Variants in NCOA7 observed in about 807,000 individuals in gnomAD.
The protein encoded by NCOA7 is 140 kDa estrogen receptor-associated protein.
A neutral mutation model predicts 104.3 loss-of-function variants in NCOA7; 45 were observed. The observed-to-expected ratio is 0.43, with a 90% CI of 0.34 to 0.55. The LOEUF is 0.55. Ranked by LOEUF, NCOA7 falls within the 20% of genes least tolerant of loss-of-function variation. The probability of loss-of-function intolerance (pLI) is 0.02; values close to 1 mark genes in which losing one functional copy is unlikely to be tolerated. For missense variants in NCOA7, 1,041 were observed against 1,119.7 expected, an observed-to-expected ratio of 0.93 and a Z score of 1.00; for synonymous variants, 398 against 402.3, an observed-to-expected ratio of 0.99 and a Z score of 0.13.
intron 10 of NCOA7, among the ~76,000 whole-genome samples, chr6:125,909,640 C>T (rs1583522024): frequency 6.6e-6 from 1 of 152,076 alleles, no homozygotes; most frequent in South Asian, 2.1e-4. Context: ...GAAACCCCGT[C>T]TCTACTAAAA....
chr6:125,912,938 C>G (rs1199017095), intron 10 of NCOA7, among the ~76,000 whole-genome samples: 2 of 152,072 alleles, frequency 1.3e-5, no homozygotes, highest in African/African-American at 4.8e-5. Flanking sequence ...TATTATATGC[C>G]TTTTAAAATA....
At chr6:125,799,118 ACTGTGTC>A (rs1775622691) in intron 1 of NCOA7, among the ~76,000 whole-genome samples, 1 of 152,082 alleles carries the variant, frequency 6.6e-6, no homozygotes. Context: ...TGATGATGGC[ACTGTGTC>A]CTCTCTACAT....
At chr6:125,788,540 C>CTTT (rs59616110), upstream of NCOA7, among the ~76,000 whole-genome samples, 8,409 of 141,500 alleles carry the variant, frequency 0.059, 298 homozygotes, top group Middle Eastern at 0.089. Context: ...TTTGGAAGAC[C>CTTT]TTTTTTTTTT....
chr6:125,786,969 A>G (rs1248247249), upstream of NCOA7, among the ~76,000 whole-genome samples: 1 of 152,010 alleles, frequency 6.6e-6, no homozygotes, highest in Non-Finnish European at 1.5e-5. Context: ...CAACATGGCG[A>G]AACTCCATCT....
At position 125,895,536 on chromosome 6, in the gene NCOA7, C is replaced by T. The variant is rs529023875; in HGVS notation, c.2096+4726C>T. 5.9e-5 allele frequency among the ~76,000 whole-genome samples: 9 copies of T among 152,236 alleles called. No individual in the cohort carries two copies. In the South Asian group the frequency reaches 1.7e-3, roughly 28 times the overall value. ...TGTACATTTTCCACATCATGTGCTG[C>T]GTTAGGCCATTCTTGGGTTGCTATA... On this transcript the variant is annotated intron_variant, in intron 10 of 15. Transcript: ENST00000392477.
intron 10 of NCOA7, among the ~76,000 whole-genome samples, chr6:125,902,570 A>G (rs1201424358): frequency 6.6e-6 from 1 of 151,998 alleles, no homozygotes; most frequent in African/African-American, 2.4e-5. Context: ...TCAATAAACT[A>G]GATTGTAATT....
rs1443663185 is a variant in NCOA7, at chr6:125,863,166, C to T, written c.271+7926C>T. On this transcript the variant is annotated intron_variant, in intron 3 of 15. Transcript: ENST00000392477. ...CCAGTAGTTAGGGAGCATGAATGTT[C>T]ACAGTTAAGTAGCTGTAAAACAAAC... Among the ~76,000 whole-genome samples the T allele has an allele frequency of 1.4e-5, 2 of 138,440 alleles. 1 individual carries two copies. The highest frequency in any genetic ancestry group is 6.0e-5 in the African/African-American group (2 of 33,304). 90.8% of individuals were successfully genotyped at this position (138,440 alleles called of 152,430 possible).
intron 2 of NCOA7, among the ~76,000 whole-genome samples, chr6:125,830,872 A>G (rs1258911860): frequency 1.3e-5 from 2 of 151,534 alleles, no homozygotes. Flanking sequence ...GTGAGGGGGG[A>G]AAAGTGTTTT....
chr6:125,851,607 A>G (rs1781134368), intron 2 of NCOA7, among the ~76,000 whole-genome samples: 1 of 152,220 alleles, frequency 6.6e-6, no homozygotes, highest in Non-Finnish European at 1.5e-5. Context: ...TCCTTTGGGT[A>G]GATACCCAGT....
chr6:125,867,584 A>G (rs1174473239), intron 3 of NCOA7, among the ~76,000 whole-genome samples: 1 of 152,110 alleles, frequency 6.6e-6, no homozygotes, highest in African/African-American at 2.4e-5. Context: ...AATGGCAGGG[A>G]TTCCCTCTTT....
rs762359537 is a variant in NCOA7 at position 125,927,770 on chromosome 6, G to A, written c.2619+12G>A. On this transcript the variant is annotated intron_variant, in intron 14 of 15. Transcript: ENST00000392477. The stretch of plus-strand genomic sequence containing the variant: ...GCCCTCATTTTAAGGTACCTAGATA[G>A]GAGAAATATCCAACTCCCATATGTC... 2 of 1,594,850 alleles carry A rather than the reference G, an allele frequency of 1.3e-6. No individual in the cohort carries two copies. Among genetic ancestry groups the A allele is most frequent in the Non-Finnish European group, 8.6e-7 (1 of 1,162,616 alleles).
chr6:125,910,686 C>T (rs769238173), intron 10 of NCOA7, among the ~76,000 whole-genome samples: 15 of 152,194 alleles, frequency 9.9e-5, no homozygotes, highest in Non-Finnish European at 1.8e-4. Context: ...GTTGCTTTCA[C>T]AATGCAATCC....
intron 13 of NCOA7, among the ~76,000 whole-genome samples, chr6:125,925,160 C>T (rs1787919687): frequency 1.3e-5 from 2 of 152,032 alleles, no homozygotes; most frequent in African/African-American, 2.4e-5. Flanking sequence ...GATTTTTTTC[C>T]CAGGGGAAGA....
Position 125,869,071 on chromosome 6 carries a change from T to G in NCOA7, c.272-5818T>G, listed in dbSNP as rs547466648. On this transcript the variant is annotated intron_variant, in intron 3 of 15. Coordinates refer to ENST00000392477, the MANE Select transcript of NCOA7 (RefSeq NM_181782.5). The stretch of plus-strand genomic sequence containing the variant: ...CAGAAAAAAAGGCTACGTACTATCT[T>G]TTCTTCCCTTCCTATATCTAAGTAG... 1.1e-4 allele frequency among the ~76,000 whole-genome samples: 16 copies of G among 152,336 alleles called. No homozygotes were observed. The South Asian group carries it at 3.3e-3, about 32-fold the overall frequency.
intron 9 of NCOA7, 60 bp downstream of exon 9, chr6:125,890,041 G>A: frequency 7.8e-7 from 1 of 1,281,482 alleles, no homozygotes; most frequent in East Asian, 2.4e-5. Flanking sequence ...TCTACAATTT[G>A]CACATGTAAT....
chr6:125,875,086 A>G (rs1583436123), intron 4 of NCOA7, 118 bp downstream of exon 4: 4 of 692,352 alleles, frequency 5.8e-6, no homozygotes, highest in Non-Finnish European at 7.4e-6. Context: ...TAAACAATCA[A>G]GCTTCTTAAG....
intron 1 of NCOA7, among the ~76,000 whole-genome samples, chr6:125,810,934 C>CT (rs1776942263): frequency 6.6e-6 from 1 of 152,172 alleles, no homozygotes; most frequent in Non-Finnish European, 1.5e-5. Context: ...ATCATTTAAT[C>CT]TTTTTCTCTT....
intron 12 of NCOA7, 84 bp downstream of exon 12, chr6:125,921,152 G>A: frequency 6.0e-6 from 9 of 1,510,558 alleles, no homozygotes; most frequent in Non-Finnish European, 8.0e-6. Flanking sequence ...GCTCATGCCT[G>A]TAATCCTCAC....
rs140645084 is a variant in NCOA7 at position 125,888,990 on chromosome 6, C to T, written c.936C>T (p.Asp312=). ...CPLYRPGEWE[D]LASEKDINPF... Reference sequence around the variant, plus strand: ...TGTACAGGCCTGGAGAATGGGAAGACCTGGCTTCAGAAAAGGATATCAACC... The same window carrying T: ...TGTACAGGCCTGGAGAATGGGAAGATCTGGCTTCAGAAAAGGATATCAACC... The change falls in exon 9 of 16, where the codon GAC becomes GAT. Residue 312 remains aspartate, a synonymous_variant. Transcript: ENST00000392477. 509 of 1,613,972 alleles carry T rather than the reference C, an allele frequency of 3.2e-4. No individual in the cohort carries two copies. In the African/African-American group the frequency reaches 3.8e-3, roughly 12 times the overall value.
Sources: gnomAD v4.1 joint callset for allele counts (sites outside exome capture counted in the v4.1 genomes callset) on GRCh38, gnomAD v4.1.1 for gene constraint, MANE v1.5 for transcripts, NCBI Gene and HGNC (gene_info 2026-07-23, HGNC 2026-07-21) for gene names.